Variants in GRIA4 observed in about 807,000 individuals in gnomAD.
GRIA4 encodes glutamate ionotropic receptor AMPA type subunit 4, also known as glutamate receptor 4.
A neutral mutation model predicts 104.0 loss-of-function variants in GRIA4; 34 were observed. The observed-to-expected ratio is 0.33, with a 90% CI of 0.25 to 0.44. The LOEUF is 0.44. GRIA4 is among the 20% of genes least tolerant of loss of function. The pLI is 1.00. For synonymous variants in GRIA4, 386 were observed against 381.9 expected, an observed-to-expected ratio of 1.01 and a Z score of -0.13; for missense variants, 750 against 1,096.5, an observed-to-expected ratio of 0.68 and a Z score of 4.46.
chr11:105,640,370 G>A (rs1366663571), intron 3 of GRIA4, among the ~76,000 whole-genome samples: 1 of 151,598 alleles, frequency 6.6e-6, no homozygotes, highest in African/African-American at 2.4e-5. Flanking sequence ...ATACCTGGGG[G>A]TAGACAATTT....
chr11:105,942,221 C>A (rs575244489), intron 14 of GRIA4, among the ~76,000 whole-genome samples: 3 of 151,900 alleles, frequency 2.0e-5, no homozygotes, highest in Non-Finnish European at 4.4e-5. Context: ...CAGATTGTCT[C>A]CCAGAGGAAA....
chr11:105,754,574 T>C (rs1940193527), intron 4 of GRIA4, among the ~76,000 whole-genome samples: 1 of 152,188 alleles, frequency 6.6e-6, no homozygotes, highest in East Asian at 1.9e-4. Context: ...AACTCACATA[T>C]TGCATTATTA....
chr11:105,793,341 G>A (rs771719698), intron 4 of GRIA4, among the ~76,000 whole-genome samples: 4 of 151,970 alleles, frequency 2.6e-5, no homozygotes, highest in Non-Finnish European at 5.9e-5. Context: ...CTTCCCCAGG[G>A]GTAAATAGAG....
At chr11:105,695,139 T>C (rs1299688739) in intron 3 of GRIA4, among the ~76,000 whole-genome samples, 1 of 152,230 alleles carries the variant, frequency 6.6e-6, no homozygotes, top group Non-Finnish European at 1.5e-5. Flanking sequence ...TCTCTTTGCT[T>C]AATTTGAACT....
At chr11:105,618,416 A>T (rs1422232033) in intron 3 of GRIA4, among the ~76,000 whole-genome samples, 1 of 152,014 alleles carries the variant, frequency 6.6e-6, no homozygotes, top group Non-Finnish European at 1.5e-5. Context: ...GGAAGCATGG[A>T]GGAGAGAGAA....
chr11:105,716,882 T>C (rs1471629494), intron 3 of GRIA4, among the ~76,000 whole-genome samples: 2 of 152,090 alleles, frequency 1.3e-5, no homozygotes, highest in Non-Finnish European at 2.9e-5. Flanking sequence ...CTCGATGCCT[T>C]ACTTTTAGAA....
At chr11:105,937,478 A>G (rs561470183) in intron 14 of GRIA4, among the ~76,000 whole-genome samples, 31 of 152,296 alleles carry the variant, frequency 2.0e-4, no homozygotes, top group African/African-American at 7.5e-4. Context: ...CGGTTGACAT[A>G]GATTTACTAT....
intron 6 of GRIA4, among the ~76,000 whole-genome samples, chr11:105,890,763 T>G (rs1395968891): frequency 1.3e-5 from 2 of 152,196 alleles, no homozygotes; most frequent in East Asian, 3.9e-4. Flanking sequence ...GATATCTAAT[T>G]GAATGGGCAT....
At chr11:105,648,451 A>G (rs1951591939) in intron 3 of GRIA4, among the ~76,000 whole-genome samples, 1 of 151,490 alleles carries the variant, frequency 6.6e-6, no homozygotes. Context: ...TGCTTTTTAT[A>G]GTATATAAAA....
At chr11:105,648,934 G>A (rs1951609993) in intron 3 of GRIA4, among the ~76,000 whole-genome samples, 2 of 152,138 alleles carry the variant, frequency 1.3e-5, no homozygotes, top group Admixed American at 1.3e-4. Context: ...TTTTCTCAGG[G>A]TGACCTAGCT....
At chr11:105,631,850 G>T (rs924878710) in intron 3 of GRIA4, among the ~76,000 whole-genome samples, 1 of 152,160 alleles carries the variant, frequency 6.6e-6, no homozygotes, top group Non-Finnish European at 1.5e-5. Flanking sequence ...GGAGGGGCCA[G>T]ATTTTATAAA....
chr11:105,741,252 G>T (rs761425619), intron 3 of GRIA4, among the ~76,000 whole-genome samples: 8 of 152,118 alleles, frequency 5.3e-5, no homozygotes, highest in Non-Finnish European at 8.8e-5. Context: ...GGTTTTGAGG[G>T]GGGGAAATGA....
intron 15 of GRIA4, among the ~76,000 whole-genome samples, chr11:105,974,019 T>C (rs1056745822): frequency 6.6e-6 from 1 of 152,218 alleles, no homozygotes; most frequent in African/African-American, 2.4e-5. Context: ...TAAATGCTTA[T>C]ATAAGGCTAA....
chr11:105,620,077 A>G (rs34009389), intron 3 of GRIA4, among the ~76,000 whole-genome samples: 4,189 of 151,832 alleles, frequency 0.028, 113 homozygotes, highest in East Asian at 0.1. Context: ...TTTCATCACC[A>G]TTTACTTTTC....
At chr11:105,945,661 C>T (rs1334156935) in intron 14 of GRIA4, among the ~76,000 whole-genome samples, 1 of 152,084 alleles carries the variant, frequency 6.6e-6, no homozygotes, top group African/African-American at 2.4e-5. Context: ...GTTATTTGAA[C>T]ATTCACTTAC....
At chr11:105,841,054 G>A (rs966551086) in intron 4 of GRIA4, among the ~76,000 whole-genome samples, 2 of 151,922 alleles carry the variant, frequency 1.3e-5, no homozygotes, top group Admixed American at 6.6e-5. Flanking sequence ...TTTTCTTTCA[G>A]TCTTCTTTAA....
intron 11 of GRIA4, among the ~76,000 whole-genome samples, chr11:105,920,849 C>A (rs960554198): frequency 1.3e-5 from 2 of 152,110 alleles, no homozygotes; most frequent in Admixed American, 1.3e-4. Flanking sequence ...GAATCTTCTT[C>A]CAGGTCTCTT....
At chr11:105,729,549 C>T (rs1487709554) in intron 3 of GRIA4, among the ~76,000 whole-genome samples, 2 of 152,044 alleles carry the variant, frequency 1.3e-5, no homozygotes, top group East Asian at 3.8e-4. Flanking sequence ...GGCAGAGACA[C>T]AACAAAAAAA....
intron 3 of GRIA4, among the ~76,000 whole-genome samples, chr11:105,687,306 C>T (rs1261157109): frequency 6.6e-6 from 1 of 152,092 alleles, no homozygotes; most frequent in African/African-American, 2.4e-5. Context: ...CCCCAGTGAT[C>T]TTAGAGTGTA....
Sources: gnomAD v4.1 joint callset for allele counts (sites outside exome capture counted in the v4.1 genomes callset) on GRCh38, gnomAD v4.1.1 for gene constraint, MANE v1.5 for transcripts, NCBI Gene and HGNC (gene_info 2026-07-23, HGNC 2026-07-21) for gene names.